The following ANGPT2 variants were observed in gnomAD, a reference collection of about 807,000 sequenced individuals.
ANGPT2 encodes angiopoietin-2.
A neutral mutation model predicts 62.9 loss-of-function variants in ANGPT2; 28 were observed. The observed-to-expected ratio is 0.44, with a 90% CI of 0.33 to 0.61. ANGPT2 has a LOEUF of 0.61. ANGPT2 is among the 20% of genes least tolerant of loss of function. The probability of loss-of-function intolerance (pLI) is 0.03; values close to 1 mark genes in which losing one functional copy is unlikely to be tolerated. For synonymous variants in ANGPT2, 284 were observed against 207.8 expected (o/e 1.37, Z -3.15); for missense variants, 727 against 594.9 (o/e 1.22, Z -2.31).
chr8:6,524,088 G>C (rs191202057), intron 3 of ANGPT2, among the ~76,000 whole-genome samples: 191 of 152,220 alleles, frequency 1.3e-3, no homozygotes, highest in Middle Eastern at 0.01. Context: ...GAAAAACAGT[G>C]ACCAGATGTC....
At chr8:6,557,744 T>A (rs887406534) in intron 1 of ANGPT2, among the ~76,000 whole-genome samples, 3 of 151,376 alleles carry the variant, frequency 2.0e-5, no homozygotes, top group Non-Finnish European at 4.4e-5. Context: ...GATAGAATGG[T>A]TTGCCTGCTG....
In ANGPT2 at chr8:6,502,168, T is replaced by C. The variant is rs1223557249; in HGVS notation, c.*933A>G. 2 of 152,168 alleles carry C rather than the reference T, an allele frequency of 1.3e-5. No homozygotes were observed. 9.4% of individuals were successfully genotyped at this position (152,168 alleles called of 1,614,324 possible). A position where few individuals can be genotyped will look rare whatever the true frequency, so the allele number is the denominator to read the frequency against. ...AGAAGATAGTAAAGTTTCTTTGTCA[T>C]AGAATGAAATGTATAATTTTCCTCA... On this transcript the variant is annotated 3_prime_UTR_variant, in exon 9 of 9. Transcript: ENST00000629816.
At chr8:6,530,402 G>A (rs2442606) in intron 2 of ANGPT2, among the ~76,000 whole-genome samples, 26,278 of 151,108 alleles carry the variant, frequency 0.17, 2,765 homozygotes, top group African/African-American at 0.29. Flanking sequence ...CCAGCTACGC[G>A]GGAGGCTAAG....
At position 6,502,944 on chromosome 8, in the gene ANGPT2, G is replaced by T; in HGVS notation, c.*157C>A. 1 of 795,568 alleles carries T rather than the reference G, an allele frequency of 1.3e-6. No individual in the cohort carries two copies. The highest frequency in any genetic ancestry group is 2.0e-6 in the Non-Finnish European group (1 of 506,846). 49.3% of individuals were successfully genotyped at this position (795,568 alleles called of 1,614,324 possible). ...AAGTGATGCAAGTTTAAGTGATAAAGTTTACAGGCTCTAATCTGGAGCATG... is the reference window on the plus strand; with the variant it reads ...AAGTGATGCAAGTTTAAGTGATAAATTTTACAGGCTCTAATCTGGAGCATG... On this transcript the variant is annotated 3_prime_UTR_variant, in exon 9 of 9. Transcript: ENST00000629816.
chr8:6,500,109 G>A lies in ANGPT2; in HGVS notation c.*2992C>T, dbSNP rs529740326. 25 of 622,720 alleles carry A rather than the reference G, an allele frequency of 4.0e-5. No individual in the cohort carries two copies. Among genetic ancestry groups the A allele is most frequent in the Middle Eastern group, 8.8e-4 (2 of 2,276 alleles). 38.6% of individuals were successfully genotyped at this position (622,720 alleles called of 1,614,324 possible). On this transcript the variant is annotated 3_prime_UTR_variant, in exon 9 of 9. Coordinates refer to ENST00000629816, the MANE Select transcript of ANGPT2 (RefSeq NM_001118887.2). ...TATTCGCGAGAACAAATGTGAGAAC[G>A]TGAGACCATTGTGCAAAAAGTAGTG...
chr8:6,504,830 A>G (rs887312483), intron 8 of ANGPT2, among the ~76,000 whole-genome samples: 1 of 152,176 alleles, frequency 6.6e-6, no homozygotes, highest in African/African-American at 2.4e-5. Flanking sequence ...ACAGGAAAAA[A>G]TATACACATA....
intron 1 of ANGPT2, among the ~76,000 whole-genome samples, chr8:6,550,492 C>G (rs1355658149): frequency 6.6e-6 from 1 of 152,194 alleles, no homozygotes; most frequent in African/African-American, 2.4e-5. Context: ...GAAGCGGAAA[C>G]AAGGGTATGT....
rs1376173956 is a variant in ANGPT2 at position 6,562,557 on chromosome 8, T to TTATTTA, written c.288+89_288+90insTAAATA. The TTATTTA allele has an allele frequency of 2.2e-5, 4 of 183,370 alleles. 1 individual carries two copies. Among genetic ancestry groups the TTATTTA allele is most frequent in the African/African-American group, 1.0e-4 (4 of 39,538 alleles). The allele number at this position is 183,370 out of a possible 1,614,324, so 11.4% of individuals were successfully genotyped here. On this transcript the variant is annotated intron_variant, in intron 1 of 8. Coordinates refer to ENST00000629816, the MANE Select transcript of ANGPT2 (RefSeq NM_001118887.2). ...TAATCCTCTTCATCCTCCTTCTTTT[T>TTATTTA]TTTTTTTTTTTTTTGGTTGTTAAAA...
chr8:6,535,773 C>T (rs910009076), intron 1 of ANGPT2, among the ~76,000 whole-genome samples: 5 of 152,006 alleles, frequency 3.3e-5, no homozygotes, highest in African/African-American at 1.2e-4. Context: ...TTGAGCCAGT[C>T]GTGATGGCTC....
chr8:6,528,178 A>G (rs533924811), intron 2 of ANGPT2, among the ~76,000 whole-genome samples: 1 of 152,280 alleles, frequency 6.6e-6, no homozygotes, highest in African/African-American at 2.4e-5. Context: ...ATTTACAGGC[A>G]TTAGCCACTG....
intron 1 of ANGPT2, among the ~76,000 whole-genome samples, chr8:6,536,143 A>T (rs191191325): frequency 5.7e-4 from 87 of 152,332 alleles, no homozygotes; most frequent in African/African-American, 2.0e-3. Context: ...AGAGAAATAT[A>T]TGATGTGACA....
intron 5 of ANGPT2, among the ~76,000 whole-genome samples, chr8:6,516,940 G>A (rs760621700): frequency 3.9e-5 from 6 of 152,056 alleles, no homozygotes; most frequent in Admixed American, 2.6e-4. Context: ...ATGAGTATTC[G>A]CTTTGATTCC....
chr8:6,520,032 G>T, intron 4 of ANGPT2, 41 bp from the exon 5 acceptor site: 1 of 1,605,808 alleles, frequency 6.2e-7, no homozygotes, highest in South Asian at 1.1e-5. Context: ...CGGAGTTCAT[G>T]AAAAGACAAA....
In ANGPT2 at chr8:6,504,170, T is replaced by G. The variant is rs538896358; in HGVS notation, c.1328-909A>C. ...CGTCTCTACTAAAAATACAAAAAAT[T>G]AGCCGGGCGTGGTGGCGGACGCCTG... On this transcript the variant is annotated intron_variant, in intron 8 of 8. Coordinates refer to ENST00000629816, the MANE Select transcript of ANGPT2 (RefSeq NM_001118887.2). Among the ~76,000 whole-genome samples, 28 of 151,314 alleles carry G rather than the reference T, an allele frequency of 1.9e-4. 1 individual carries two copies. The highest frequency in any genetic ancestry group is 3.7e-4 in the Non-Finnish European group (25 of 67,814).
intron 1 of ANGPT2, among the ~76,000 whole-genome samples, chr8:6,556,053 T>G (rs1421971579): frequency 3.3e-5 from 5 of 152,180 alleles, no homozygotes; most frequent in Non-Finnish European, 7.3e-5. Context: ...AGGAGTGCCC[T>G]GCACTCGTCT....
chr8:6,554,294 A>AT (rs1824192189), intron 1 of ANGPT2, among the ~76,000 whole-genome samples: 1 of 146,976 alleles, frequency 6.8e-6, no homozygotes, highest in South Asian at 2.1e-4. Flanking sequence ...CAAGATCTGG[A>AT]TTTTAAAAAG....
intron 1 of ANGPT2, among the ~76,000 whole-genome samples, chr8:6,537,309 C>G (rs1015608632): frequency 3.9e-5 from 6 of 152,018 alleles, no homozygotes; most frequent in African/African-American, 7.3e-5. Context: ...TTATTTTGTC[C>G]TCTTCTTGAT....
intron 3 of ANGPT2, among the ~76,000 whole-genome samples, chr8:6,522,171 C>T (rs1250228625): frequency 6.6e-6 from 1 of 151,860 alleles, no homozygotes; most frequent in Non-Finnish European, 1.5e-5. Context: ...CTGGCTAACA[C>T]GGTGAAACCC....
chr8:6,541,973 A>C (rs1370860192), intron 1 of ANGPT2, among the ~76,000 whole-genome samples: 1 of 150,598 alleles, frequency 6.6e-6, no homozygotes, highest in African/African-American at 2.5e-5. Flanking sequence ...GTGCCACTGC[A>C]CTCCAGCCTG....
Sources: allele counts gnomAD v4.1 joint callset (sites outside exome capture counted in the v4.1 genomes callset), GRCh38; gene constraint gnomAD v4.1.1; transcripts MANE v1.5; gene names NCBI Gene and HGNC (gene_info 2026-07-23, HGNC 2026-07-21).